Variants in ATG10 observed in about 807,000 individuals in gnomAD.
ATG10 encodes autophagy related 10, also known as ubiquitin-like-conjugating enzyme ATG10.
In ATG10, 30 loss-of-function variants were observed where a neutral mutation model predicts 32.1. That is an observed-to-expected ratio of 0.94 (90% confidence interval 0.70 to 1.27). ATG10 has a LOEUF of 1.27. Ranked by LOEUF, ATG10 falls within the 50% of genes most tolerant of loss-of-function variation. The pLI, the probability that ATG10 is intolerant of heterozygous loss-of-function variation, is 0.00. For missense variants in ATG10, 233 were observed against 262.3 expected, an observed-to-expected ratio of 0.89 and a Z score of 0.77; for synonymous variants, 87 against 91.5, an observed-to-expected ratio of 0.95 and a Z score of 0.28.
At chr5:82,206,112 T>A (rs1261072890) in intron 5 of ATG10, among the ~76,000 whole-genome samples, 3 of 152,180 alleles carry the variant, frequency 2.0e-5, no homozygotes, top group African/African-American at 7.2e-5. Flanking sequence ...GATAAGTTTC[T>A]GAGTGTGGCT....
intron 5 of ATG10, among the ~76,000 whole-genome samples, chr5:82,248,903 T>A (rs573912896): frequency 6.6e-6 from 1 of 151,702 alleles, no homozygotes; most frequent in Admixed American, 6.6e-5. Flanking sequence ...ATATATTCTA[T>A]TTAATTATAT....
intron 5 of ATG10, among the ~76,000 whole-genome samples, chr5:82,209,979 T>C (rs1745435935): frequency 6.6e-6 from 1 of 152,326 alleles, no homozygotes; most frequent in Non-Finnish European, 1.5e-5. Context: ...AATTCTAAAT[T>C]TGAGATGTAG....
chr5:82,255,644 GT>G lies in ATG10; in HGVS notation c.*1585del, dbSNP rs1373403596. ...CTTTATTGTGACATTGATTTGTATTGTTTTGCTCTACTGACAGGCCTTTTCC... is the reference window on the plus strand; with the variant it reads ...CTTTATTGTGACATTGATTTGTATTGTTTGCTCTACTGACAGGCCTTTTCC... On this transcript the variant is annotated 3_prime_UTR_variant, in exon 8 of 8. Coordinates refer to ENST00000282185, the MANE Select transcript of ATG10 (RefSeq NM_031482.5). 6.6e-6 allele frequency: 1 copy of G among 152,176 alleles called. No individual in the cohort carries two copies. Among genetic ancestry groups the G allele is most frequent in the Non-Finnish European group, 1.5e-5 (1 of 68,076 alleles). The allele number at this position is 152,176 out of a possible 1,614,324, so 9.4% of individuals were successfully genotyped here. A position where few individuals can be genotyped will look rare whatever the true frequency, so the allele number is the denominator to read the frequency against.
intron 3 of ATG10, among the ~76,000 whole-genome samples, chr5:82,085,588 T>C (rs559447857): frequency 1.3e-5 from 2 of 151,758 alleles, no homozygotes; most frequent in South Asian, 2.1e-4. Flanking sequence ...TGTATACATA[T>C]GTAACAAACC....
intron 3 of ATG10, among the ~76,000 whole-genome samples, chr5:82,066,275 A>C (rs1358193372): frequency 6.6e-6 from 1 of 152,084 alleles, no homozygotes; most frequent in Non-Finnish European, 1.5e-5. Context: ...ACTGACTTTA[A>C]GTTGGTCAGT....
intron 3 of ATG10, among the ~76,000 whole-genome samples, chr5:82,160,174 A>G (rs1356288010): frequency 1.3e-5 from 2 of 152,174 alleles, no homozygotes; most frequent in East Asian, 1.9e-4. Flanking sequence ...TTGCCGTTTT[A>G]TAACTAGCTC....
chr5:82,060,047 G>A (rs1451505773), intron 3 of ATG10, among the ~76,000 whole-genome samples: 1 of 152,080 alleles, frequency 6.6e-6, no homozygotes, highest in African/African-American at 2.4e-5. Context: ...ACTAAAAAGT[G>A]GTGTTGACAG....
intron 2 of ATG10, among the ~76,000 whole-genome samples, chr5:82,004,667 C>A (rs202009722): frequency 6.6e-6 from 1 of 152,106 alleles, no homozygotes; most frequent in Non-Finnish European, 1.5e-5. Context: ...GGGTGCATGA[C>A]GAGTATGCAG....
In ATG10 at chr5:82,186,889, G is replaced by A. The variant is rs185060235; in HGVS notation, c.453+8302G>A. Among the ~76,000 whole-genome samples, 497 of 152,076 alleles carry A rather than the reference G, an allele frequency of 3.3e-3. 7 individuals are homozygous for A. Among genetic ancestry groups the A allele is most frequent in the Non-Finnish European group, 2.3e-3 (158 of 67,966 alleles). On this transcript the variant is annotated intron_variant, in intron 5 of 7. Transcript: ENST00000282185. ...GAGCCACCGCGCCCAGCCAATATTC[G>A]TTTTTTTATCCATTCGGAAATGTTT...
chr5:82,063,199 G>A (rs1349453519), intron 3 of ATG10, among the ~76,000 whole-genome samples: 1 of 152,038 alleles, frequency 6.6e-6, no homozygotes, highest in Non-Finnish European at 1.5e-5. Flanking sequence ...TGCACCTGTA[G>A]TCCTAGCTAC....
intron 1 of ATG10, among the ~76,000 whole-genome samples, chr5:81,981,565 G>A (rs575718063): frequency 1.3e-5 from 2 of 152,338 alleles, no homozygotes; most frequent in Non-Finnish European, 2.9e-5. Flanking sequence ...GTTGCTAGGA[G>A]GGACAAGTAT....
intron 3 of ATG10, chr5:82,072,916 G>A (rs1355703824): frequency 3.9e-5 from 6 of 152,124 alleles, no homozygotes; most frequent in Admixed American, 3.3e-4. Flanking sequence ...TCTACTTGAT[G>A]GACTGGAGCT....
At chr5:82,223,374 T>G (rs1052897887) in intron 5 of ATG10, among the ~76,000 whole-genome samples, 1 of 152,254 alleles carries the variant, frequency 6.6e-6, no homozygotes, top group East Asian at 1.9e-4. Context: ...GTCACAATGA[T>G]GAATAACAGT....
chr5:82,148,575 C>G (rs1767458577), intron 3 of ATG10, among the ~76,000 whole-genome samples: 1 of 152,128 alleles, frequency 6.6e-6, no homozygotes, highest in Non-Finnish European at 1.5e-5. Context: ...ATTTATATCC[C>G]CTCAAGCTAC....
intron 3 of ATG10, among the ~76,000 whole-genome samples, chr5:82,098,143 T>C (rs1389398032): frequency 6.6e-6 from 1 of 152,174 alleles, no homozygotes; most frequent in Admixed American, 6.5e-5. Context: ...TAGGTACTTT[T>C]AATTTAGATT....
chr5:82,188,467 ATAAT>A (rs1162060452), intron 5 of ATG10, among the ~76,000 whole-genome samples: 2 of 152,244 alleles, frequency 1.3e-5, no homozygotes, highest in Non-Finnish European at 2.9e-5. Flanking sequence ...AAAATATTGA[ATAAT>A]TAATTTTAAT....
intron 2 of ATG10, among the ~76,000 whole-genome samples, chr5:82,030,662 AT>A (rs1467621844): frequency 6.6e-6 from 1 of 152,160 alleles, no homozygotes; most frequent in East Asian, 1.9e-4. Flanking sequence ...TTCATACAAG[AT>A]TTCCTTTCTT....
At chr5:82,210,248 C>T (rs975759252) in intron 5 of ATG10, among the ~76,000 whole-genome samples, 3 of 152,084 alleles carry the variant, frequency 2.0e-5, no homozygotes, top group African/African-American at 7.2e-5. Context: ...TACAGAGATA[C>T]TTTAAGGCTC....
chr5:82,206,567 T>C (rs1745308768), intron 5 of ATG10, among the ~76,000 whole-genome samples: 1 of 151,842 alleles, frequency 6.6e-6, no homozygotes, highest in Admixed American at 6.6e-5. Context: ...GGAGAATCAC[T>C]TGAACCTGCG....
Sources: gnomAD v4.1 joint callset for allele counts (sites outside exome capture counted in the v4.1 genomes callset) on GRCh38, gnomAD v4.1.1 for gene constraint, MANE v1.5 for transcripts, NCBI Gene and HGNC (gene_info 2026-07-23, HGNC 2026-07-21) for gene names.